ANKRD36C: variants seen among roughly 807,000 people sequenced by gnomAD.
ANKRD36C encodes the protein ankyrin repeat domain 36C.
ANKRD36C carries 61 observed loss-of-function variants against 276.4 expected under a neutral mutation model. The ratio of observed to expected loss-of-function variants is 0.22; its 90% confidence interval spans 0.18 to 0.27. The LOEUF (loss-of-function observed/expected upper bound fraction) is 0.27, where lower values mean the gene tolerates loss of function less well. Among genes scored for constraint, ANKRD36C ranks in the 10% least tolerant of loss-of-function variants. The pLI is 1.00. For synonymous variants in ANKRD36C, 483 were observed against 680.1 expected, an observed-to-expected ratio of 0.71 and a Z score of 4.51; for missense variants, 1,447 against 2,032.3, an observed-to-expected ratio of 0.71 and a Z score of 5.54.
At chr2:95,951,214 A>G in intron 15 of ANKRD36C, 134 bp downstream of exon 15, 2 of 759,546 alleles carry the variant, frequency 2.6e-6, no homozygotes, top group Non-Finnish European at 2.1e-6. Flanking sequence ...TGGAAACTGC[A>G]GTGAGCCAAG....
chr2:95,940,162 G>A (rs1384272925), intron 20 of ANKRD36C, among the ~76,000 whole-genome samples: 2 of 152,004 alleles, frequency 1.3e-5, no homozygotes, highest in African/African-American at 4.8e-5. Flanking sequence ...GGGACTACAG[G>A]CACATACATG....
At chr2:95,865,734 CTG>C (rs1431347028) in intron 60 of ANKRD36C, among the ~76,000 whole-genome samples, 2 of 152,086 alleles carry the variant, frequency 1.3e-5, no homozygotes, top group African/African-American at 4.8e-5. Context: ...ACTGTGGTGT[CTG>C]TGTTGGCAAT....
chr2:95,916,076 A>C (rs774845317), intron 37 of ANKRD36C, 24 bp from the exon 40 acceptor site: 1 of 1,598,640 alleles, frequency 6.3e-7, no homozygotes, highest in Non-Finnish European at 8.5e-7. Context: ...GAAACAAAAT[A>C]ATAAATAAGG....
intron 59 of ANKRD36C, among the ~76,000 whole-genome samples, chr2:95,869,468 T>C (rs538946023): frequency 6.6e-6 from 1 of 152,210 alleles, no homozygotes; most frequent in Non-Finnish European, 1.5e-5. Context: ...TTAGGCAAAC[T>C]TTAAATTATT....
chr2:95,917,701 A>C (rs183671723), intron 36 of ANKRD36C, among the ~76,000 whole-genome samples, 154 bp downstream of exon 38: 3 of 151,688 alleles, frequency 2.0e-5, no homozygotes, highest in African/African-American at 4.8e-5. Flanking sequence ...GCGCCACCCA[A>C]GAATTTATTA....
chr2:95,962,577 C>A, intron 6 of ANKRD36C, 30 bp from the exon 7 acceptor site: 1 of 1,597,670 alleles, frequency 6.3e-7, no homozygotes, highest in Non-Finnish European at 8.5e-7. Context: ...CATCATCAAT[C>A]ATAGGTAAAT....
At chr2:95,956,927 G>A (rs1469143278) in intron 12 of ANKRD36C, 111 bp from the exon 13 acceptor site, 2 of 1,050,156 alleles carry the variant, frequency 1.9e-6, no homozygotes, top group South Asian at 1.6e-5. Context: ...TACTCAAAAG[G>A]CTGAGGCAGA....
At chr2:95,875,401 A>G (rs1488985099) in intron 59 of ANKRD36C, among the ~76,000 whole-genome samples, 1 of 151,704 alleles carries the variant, frequency 6.6e-6, no homozygotes, top group Non-Finnish European at 1.5e-5. Flanking sequence ...GAAATTGGAA[A>G]TCATCATTCT....
chr2:95,939,705 A>AAAAAG (rs939716072), intron 20 of ANKRD36C, among the ~76,000 whole-genome samples: 1 of 29,792 alleles, frequency 3.4e-5, no homozygotes, highest in African/African-American at 1.9e-4. Context: ...ACTCCGTCTC[A>AAAAAG]AAAAGAAAAG....
intron 6 of ANKRD36C, among the ~76,000 whole-genome samples, chr2:95,973,945 G>C (rs1678752602): frequency 6.6e-6 from 1 of 152,046 alleles, no homozygotes. Context: ...CAGCGACTTA[G>C]GAGGCTGAGG....
chr2:95,859,871 A>T, exon 61 of ANKRD36C: 1 of 1,549,492 alleles, frequency 6.5e-7, no homozygotes, highest in East Asian at 2.5e-5. Context: ...CTCAAACTAC[A>T]GAGTTCTTTT....
rs767013458 is a variant in ANKRD36C at position 95,962,552 on chromosome 2, A to C, written c.800-5T>G. ...CTGGTTGTTTCTGAGAAGACACTGA[A>C]AAGCAAAAGGGATACATCATCAATC... is the stretch of plus-strand genomic sequence containing the variant. On this transcript the variant is annotated splice_polypyrimidine_tract_variant and splice_region_variant and intron_variant, in intron 6 of 66. Coordinates refer to ENST00000456556, the Ensembl canonical transcript of ANKRD36C. 3 of 1,600,128 alleles carry C rather than the reference A, an allele frequency of 1.9e-6. No individual in the cohort carries two copies. The highest frequency in any genetic ancestry group is 2.5e-6 in the Non-Finnish European group (3 of 1,178,506).
At chr2:95,917,607 C>G (rs1189574949) in intron 36 of ANKRD36C, among the ~76,000 whole-genome samples, 3 of 151,520 alleles carry the variant, frequency 2.0e-5, no homozygotes, top group African/African-American at 7.3e-5. Context: ...TCTTGAACCT[C>G]TCTCCATATT....
chr2:95,982,259 C>T (rs1236925955), exon 4 of ANKRD36C: 4 of 1,545,014 alleles, frequency 2.6e-6, no homozygotes, highest in Non-Finnish European at 3.5e-6. Flanking sequence ...TCTGTACCTG[C>T]CAAGATAATC....
chr2:95,922,223 T>C (rs1359280947), intron 32 of ANKRD36C, among the ~76,000 whole-genome samples: 1 of 151,554 alleles, frequency 6.6e-6, no homozygotes, highest in African/African-American at 2.4e-5. Flanking sequence ...CTGCAAACAT[T>C]CATCATGTTC....
At chr2:95,914,346 G>T (rs1198670859) in intron 38 of ANKRD36C, 43 bp from the exon 41 acceptor site, 16 of 1,541,604 alleles carry the variant, frequency 1.0e-5, no homozygotes, top group Admixed American at 7.9e-5. Flanking sequence ...ATGTAAAAAT[G>T]ACAAAATTAT....
chr2:95,975,456 C>A (rs1035427381), intron 6 of ANKRD36C, among the ~76,000 whole-genome samples: 9 of 152,094 alleles, frequency 5.9e-5, no homozygotes, highest in Non-Finnish European at 1.2e-4. Context: ...CAGAACAGAG[C>A]CATCAGAAAT....
At chr2:95,902,717 T>C (rs1266515566) in intron 42 of ANKRD36C, among the ~76,000 whole-genome samples, 169 bp downstream of exon 54, 5 of 150,386 alleles carry the variant, frequency 3.3e-5, no homozygotes, top group Non-Finnish European at 7.4e-5. Flanking sequence ...AAGATCATGT[T>C]CCAGACCAGC....
At chr2:95,890,979 T>C (rs1467673679) in intron 46 of ANKRD36C, among the ~76,000 whole-genome samples, 6 of 151,502 alleles carry the variant, frequency 4.0e-5, no homozygotes, top group Non-Finnish European at 5.9e-5. Context: ...ATCAACAAAA[T>C]ACGTATCTCT....
Sources: allele counts gnomAD v4.1 joint callset (sites outside exome capture counted in the v4.1 genomes callset), GRCh38; gene constraint gnomAD v4.1.1; transcripts MANE v1.5; gene names NCBI Gene and HGNC (gene_info 2026-07-23, HGNC 2026-07-21).